The following ZBTB20 variants were observed in gnomAD, a reference collection of about 807,000 sequenced individuals.
ZBTB20 encodes the protein zinc finger and BTB domain-containing protein 20.
A neutral mutation model predicts 56.9 loss-of-function variants in ZBTB20; 9 were observed. That is an observed-to-expected ratio of 0.16 (90% CI 0.10 to 0.28). ZBTB20 has a LOEUF of 0.28. Ranked by LOEUF, ZBTB20 falls within the 10% of genes least tolerant of loss-of-function variation. The pLI is 1.00. For missense variants in ZBTB20, 655 were observed against 1,003.0 expected, an observed-to-expected ratio of 0.65 and a Z score of 4.69; for synonymous variants, 417 against 420.7, an observed-to-expected ratio of 0.99 and a Z score of 0.11.
intron 2 of ZBTB20, among the ~76,000 whole-genome samples, chr3:115,053,622 C>G (rs1356353026): frequency 6.6e-6 from 1 of 152,010 alleles, no homozygotes; most frequent in African/African-American, 2.4e-5. Context: ...TATATTAACT[C>G]ACATTTATTG....
At position 114,682,412 on chromosome 3, in the gene ZBTB20, CT is replaced by C. The variant is rs552360253; in HGVS notation, c.-295+11115del. Among the ~76,000 whole-genome samples the C allele has an allele frequency of 3.3e-5, 5 of 152,190 alleles. No homozygotes were observed. The South Asian group carries it at 1.0e-3, about 32-fold the overall frequency. ...AAAATAAAAAAGAAGAGTAGTACTCCTTTTTTGAGATCATAATACTGAGGGG... is the reference window on the plus strand; with the variant it reads ...AAAATAAAAAAGAAGAGTAGTACTCCTTTTTGAGATCATAATACTGAGGGG... On this transcript the variant is annotated intron_variant, in intron 6 of 11. Coordinates refer to ENST00000675478, the MANE Select transcript of ZBTB20 (RefSeq NM_001348800.3).
At chr3:114,972,604 A>C (rs1012247144) in intron 3 of ZBTB20, among the ~76,000 whole-genome samples, 2 of 152,166 alleles carry the variant, frequency 1.3e-5, no homozygotes, top group Non-Finnish European at 2.9e-5. Context: ...GAAAAAAGGA[A>C]GTTACCACTC....
At chr3:114,945,504 A>C (rs1394387709) in intron 3 of ZBTB20, among the ~76,000 whole-genome samples, 1 of 145,374 alleles carries the variant, frequency 6.9e-6, no homozygotes, top group African/African-American at 2.8e-5. Flanking sequence ...AAAAGGTGTA[A>C]GTTACAGTAG....
chr3:114,470,985 C>A (rs2040063219), intron 7 of ZBTB20, among the ~76,000 whole-genome samples: 2 of 152,060 alleles, frequency 1.3e-5, no homozygotes, highest in African/African-American at 4.8e-5. Flanking sequence ...TTTATTATCC[C>A]CATAAATATG....
chr3:115,035,544 AACACACACAC>A (rs111286494), intron 2 of ZBTB20, among the ~76,000 whole-genome samples: 3 of 147,858 alleles, frequency 2.0e-5, no homozygotes, highest in Non-Finnish European at 4.5e-5. Flanking sequence ...GCTACTATCA[AACACACACAC>A]ACACACACAC....
chr3:114,997,978 T>C (rs1384970157), intron 2 of ZBTB20, among the ~76,000 whole-genome samples: 1 of 151,848 alleles, frequency 6.6e-6, no homozygotes. Flanking sequence ...GATTTCATTT[T>C]TGAAATCATT....
chr3:115,143,824 A>C lies in ZBTB20; in HGVS notation c.-703+3395T>G, dbSNP rs929280552. Among the ~76,000 whole-genome samples the C allele has an allele frequency of 3.7e-4, 57 of 152,250 alleles. 1 individual carries two copies. The highest frequency in any genetic ancestry group is 1.4e-3 in the African/African-American group (57 of 41,464). ...AAAGGTACAAATAAGAAATAAACTAAGATCTTTCTTTCCTATCACTGCCAA... is the reference window on the plus strand; with the variant it reads ...AAAGGTACAAATAAGAAATAAACTACGATCTTTCTTTCCTATCACTGCCAA... On this transcript the variant is annotated intron_variant, in intron 1 of 11. Coordinates refer to ENST00000675478, the MANE Select transcript of ZBTB20 (RefSeq NM_001348800.3).
chr3:115,136,034 A>G (rs1161898163), intron 1 of ZBTB20, among the ~76,000 whole-genome samples: 1 of 152,108 alleles, frequency 6.6e-6, no homozygotes, highest in African/African-American at 2.4e-5. Context: ...TCATCCTTAA[A>G]TCAGCAGATA....
chr3:115,001,237 A>T (rs1166928202), intron 2 of ZBTB20, among the ~76,000 whole-genome samples: 2 of 151,464 alleles, frequency 1.3e-5, no homozygotes, highest in African/African-American at 2.4e-5. Context: ...AACAGGAAAA[A>T]ATAAGTTTGA....
intron 6 of ZBTB20, among the ~76,000 whole-genome samples, chr3:114,551,422 G>A (rs2050561577): frequency 6.6e-6 from 1 of 152,178 alleles, no homozygotes. Flanking sequence ...TACAAAAGAA[G>A]TGCACAAAAA....
chr3:114,878,876 C>CA (rs1395380425), intron 4 of ZBTB20, among the ~76,000 whole-genome samples: 4 of 152,004 alleles, frequency 2.6e-5, no homozygotes, highest in African/African-American at 9.7e-5. Flanking sequence ...AAATAACACA[C>CA]AAAAAAGAAA....
chr3:114,830,199 T>A (rs1277475442), intron 4 of ZBTB20, among the ~76,000 whole-genome samples: 1 of 151,936 alleles, frequency 6.6e-6, no homozygotes, highest in East Asian at 1.9e-4. Context: ...GCAGGTGTAC[T>A]CTTTGCTTTA....
intron 2 of ZBTB20, among the ~76,000 whole-genome samples, chr3:115,052,824 A>C (rs898674041): frequency 2.6e-5 from 4 of 152,202 alleles, no homozygotes; most frequent in Admixed American, 2.6e-4. Context: ...AGAAGATAAA[A>C]TTATTCAGAA....
chr3:114,356,288 C>T (rs2081247786), intron 10 of ZBTB20: 1 of 152,088 alleles, frequency 6.6e-6, no homozygotes, highest in African/African-American at 2.4e-5. Context: ...TGCAGGGGTC[C>T]AGGGATAGGA....
At chr3:114,756,282 T>C (rs1432753528) in intron 5 of ZBTB20, among the ~76,000 whole-genome samples, 1 of 152,192 alleles carries the variant, frequency 6.6e-6, no homozygotes, top group Admixed American at 6.5e-5. Context: ...CTTTGGGCTA[T>C]AGATTCACTT....
Position 114,484,851 on chromosome 3 carries a change from G to A in ZBTB20, c.-255+15501C>T, listed in dbSNP as rs185133665. On this transcript the variant is annotated intron_variant, in intron 7 of 11. Transcript: ENST00000675478. ...CATGTGTGTGTGTGCGTGAGTGCAC[G>A]CACGCACGTGTATGGAAGTGCTTTG... is the stretch of plus-strand genomic sequence containing the variant. Among the ~76,000 whole-genome samples the A allele has an allele frequency of 6.6e-5, 10 of 152,062 alleles. No homozygotes were observed. The East Asian group carries it at 1.2e-3, about 18-fold the overall frequency.
chr3:115,110,199 CTCTG>C (rs1365122298), intron 1 of ZBTB20, among the ~76,000 whole-genome samples: 1 of 149,416 alleles, frequency 6.7e-6, no homozygotes, highest in Admixed American at 6.7e-5. Context: ...GCGATAGGGA[CTCTG>C]TCTTAGAAAA....
At chr3:114,531,998 C>G (rs60038906) in intron 6 of ZBTB20, among the ~76,000 whole-genome samples, 53,669 of 152,102 alleles carry the variant, frequency 0.35, 11,474 homozygotes, top group East Asian at 0.72. Flanking sequence ...ACCTGCAGAC[C>G]AGGAGATTCC....
chr3:114,854,541 G>A (rs1385001332), intron 4 of ZBTB20, among the ~76,000 whole-genome samples: 1 of 152,140 alleles, frequency 6.6e-6, no homozygotes, highest in Non-Finnish European at 1.5e-5. Context: ...CTTTAAATTG[G>A]CTGCAAAAGA....
Sources: allele counts gnomAD v4.1 joint callset (sites outside exome capture counted in the v4.1 genomes callset), GRCh38; gene constraint gnomAD v4.1.1; transcripts MANE v1.5; gene names NCBI Gene and HGNC (gene_info 2026-07-23, HGNC 2026-07-21).